The following CACNA1A variants were observed in gnomAD, a reference collection of about 807,000 sequenced individuals.
The protein encoded by CACNA1A is voltage-dependent P/Q-type calcium channel subunit alpha-1A.
A neutral mutation model predicts 262.4 loss-of-function variants in CACNA1A; 57 were observed. That is an observed-to-expected ratio of 0.22 (90% CI 0.18 to 0.27). The LOEUF (loss-of-function observed/expected upper bound fraction) is 0.27, where lower values mean the gene tolerates loss of function less well. CACNA1A is among the 10% of genes least tolerant of loss of function. CACNA1A has a pLI of 1.00. For synonymous variants in CACNA1A, 1,431 were observed against 1,419.3 expected (o/e 1.01, Z -0.18); for missense variants, 2,526 against 3,562.8 (o/e 0.71, Z 7.41).
chr19:13,474,534 G>C (rs935139538), intron 1 of CACNA1A, among the ~76,000 whole-genome samples: 2 of 152,180 alleles, frequency 1.3e-5, no homozygotes, highest in African/African-American at 4.8e-5. Context: ...AATGCAAAGA[G>C]TTTGCCAGGT....
intron 11 of CACNA1A, among the ~76,000 whole-genome samples, chr19:13,313,076 G>A (rs2058063370): frequency 6.6e-6 from 1 of 151,928 alleles, no homozygotes; most frequent in Non-Finnish European, 1.5e-5. Flanking sequence ...GCCCTGGCTG[G>A]TCTTGAACTC....
At chr19:13,302,510 G>A (rs1043254336) in intron 17 of CACNA1A, among the ~76,000 whole-genome samples, 5 of 152,212 alleles carry the variant, frequency 3.3e-5, no homozygotes, top group Non-Finnish European at 5.9e-5. Context: ...TTAAAAACAC[G>A]TATTAAATGA....
chr19:13,216,047 G>T (rs1470292522), intron 38 of CACNA1A, among the ~76,000 whole-genome samples: 1 of 152,124 alleles, frequency 6.6e-6, no homozygotes, highest in East Asian at 1.9e-4. Context: ...GCCTCCCAAA[G>T]TGCTGGAATT....
chr19:13,489,372 T>G (rs1024044609), intron 1 of CACNA1A, among the ~76,000 whole-genome samples: 44 of 152,138 alleles, frequency 2.9e-4, no homozygotes, highest in African/African-American at 1.0e-3. Context: ...TTTGGCAGCA[T>G]AGGTCTCCCG....
chr19:13,433,027 C>T (rs922208157), intron 3 of CACNA1A, among the ~76,000 whole-genome samples: 2 of 152,038 alleles, frequency 1.3e-5, no homozygotes, highest in African/African-American at 4.8e-5. Flanking sequence ...AGGCATCTGG[C>T]TCATGCCTGT....
At chr19:13,488,286 T>C (rs1249442931) in intron 1 of CACNA1A, among the ~76,000 whole-genome samples, 1 of 151,898 alleles carries the variant, frequency 6.6e-6, no homozygotes, top group Non-Finnish European at 1.5e-5. Context: ...TAGAAACCCT[T>C]GGGGAGTTTT....
intron 24 of CACNA1A, among the ~76,000 whole-genome samples, chr19:13,264,511 G>A (rs564208928): frequency 2.6e-5 from 4 of 152,318 alleles, no homozygotes; most frequent in South Asian, 2.1e-4. Context: ...TCTGGGCATG[G>A]CATTCAATGC....
At chr19:13,431,661 C>T (rs72997597) in intron 3 of CACNA1A, among the ~76,000 whole-genome samples, 11,556 of 152,006 alleles carry the variant, frequency 0.076, 444 homozygotes, top group South Asian at 0.15. Flanking sequence ...GAAAATATGG[C>T]GTGTATATGT....
At chr19:13,251,351 C>T (rs1208456898) in intron 30 of CACNA1A, among the ~76,000 whole-genome samples, 1 of 150,772 alleles carries the variant, frequency 6.6e-6, no homozygotes, top group Non-Finnish European at 1.5e-5. Context: ...GGTGTGGTGG[C>T]AGGCACCTGT....
At chr19:13,339,416 T>C (rs1392756055) in intron 6 of CACNA1A, among the ~76,000 whole-genome samples, 2 of 152,022 alleles carry the variant, frequency 1.3e-5, no homozygotes, top group East Asian at 3.9e-4. Context: ...CAGAGTTACA[T>C]TTGGAAGATG....
chr19:13,233,850 G>A (rs2055759269), intron 34 of CACNA1A, among the ~76,000 whole-genome samples: 1 of 152,000 alleles, frequency 6.6e-6, no homozygotes, highest in Non-Finnish European at 1.5e-5. Context: ...TTTGTTTCCT[G>A]ATTATTCGTC....
intron 3 of CACNA1A, among the ~76,000 whole-genome samples, chr19:13,375,435 G>A (rs144932282): frequency 4.6e-4 from 70 of 152,170 alleles, no homozygotes; most frequent in Non-Finnish European, 8.8e-4. Context: ...AGAGTTGCAC[G>A]TCTCTCACTT....
intron 28 of CACNA1A, among the ~76,000 whole-genome samples, chr19:13,255,737 T>TTCTC (rs1399226729): frequency 2.8e-5 from 1 of 36,014 alleles, no homozygotes; most frequent in African/African-American, 1.0e-4. Context: ...CCCTCCCTCC[T>TTCTC]TCCCTCCCTC....
At chr19:13,307,477 G>A (rs1165340990) in intron 15 of CACNA1A, 16 of 271,570 alleles carry the variant, frequency 5.9e-5, no homozygotes, top group East Asian at 2.3e-4. Context: ...CAAGTGATCC[G>A]CCCACCTGGG....
intron 23 of CACNA1A, 149 bp downstream of exon 23, chr19:13,276,920 C>T: frequency 5.5e-6 from 3 of 548,910 alleles, no homozygotes; most frequent in Non-Finnish European, 1.0e-5. Flanking sequence ...CCATGTTGGC[C>T]AGGCTGGCCT....
chr19:13,222,488 C>A (rs1207927509), intron 38 of CACNA1A, among the ~76,000 whole-genome samples: 1 of 150,184 alleles, frequency 6.7e-6, no homozygotes, highest in African/African-American at 2.5e-5. Flanking sequence ...CTCTGCCTCT[C>A]GGGTTCAAGC....
intron 1 of CACNA1A, among the ~76,000 whole-genome samples, chr19:13,459,140 TC>T (rs1599303499): frequency 1.3e-5 from 2 of 152,190 alleles, no homozygotes; most frequent in East Asian, 3.9e-4. Flanking sequence ...TGTAGAGAGA[TC>T]AATTAGTATG....
At chr19:13,227,556 A>T (rs753149208) in intron 36 of CACNA1A, 29 bp from the exon 37 acceptor site, 1 of 1,395,776 alleles carries the variant, frequency 7.2e-7, no homozygotes, top group Admixed American at 1.9e-5. Flanking sequence ...AAAAAAACAA[A>T]AACAAAAACA....
intron 12 of CACNA1A, among the ~76,000 whole-genome samples, chr19:13,311,393 C>T (rs1215084447): frequency 6.6e-6 from 1 of 152,186 alleles, no homozygotes; most frequent in Non-Finnish European, 1.5e-5. Context: ...ACCCGGCTTT[C>T]TTTTCTTTTT....
Sources: gnomAD v4.1 joint callset for allele counts (sites outside exome capture counted in the v4.1 genomes callset) on GRCh38, gnomAD v4.1.1 for gene constraint, MANE v1.5 for transcripts, NCBI Gene and HGNC (gene_info 2026-07-23, HGNC 2026-07-21) for gene names.